CACNG2: variants seen among roughly 807,000 people sequenced by gnomAD.
CACNG2 encodes voltage-dependent calcium channel gamma-2 subunit.
CACNG2 carries 3 observed loss-of-function variants against 25.9 expected under a neutral mutation model. That is an observed-to-expected ratio of 0.12 (90% CI 0.05 to 0.30). The LOEUF (loss-of-function observed/expected upper bound fraction) is 0.30. Ranked by LOEUF, CACNG2 falls within the 10% of genes least tolerant of loss-of-function variation. CACNG2 has a pLI of 1.00. For synonymous variants in CACNG2, 167 were observed against 173.3 expected (o/e 0.96, Z 0.29); for missense variants, 341 against 432.5 (o/e 0.79, Z 1.88).
intron 1 of CACNG2, among the ~76,000 whole-genome samples, chr22:36,594,723 G>A (rs1935647798): frequency 6.6e-6 from 1 of 151,712 alleles, no homozygotes; most frequent in South Asian, 2.1e-4. Flanking sequence ...GTGCATGTGT[G>A]TGTGTCTGTG....
At chr22:36,585,228 GT>G (rs1318619450) in intron 2 of CACNG2, 4 of 152,218 alleles carry the variant, frequency 2.6e-5, no homozygotes, top group Admixed American at 2.6e-4. Context: ...GATCCCGAGT[GT>G]GAACCAGTGA....
intron 1 of CACNG2, among the ~76,000 whole-genome samples, chr22:36,686,146 C>A (rs1937193926): frequency 6.6e-6 from 1 of 152,166 alleles, no homozygotes; most frequent in Non-Finnish European, 1.5e-5. Context: ...GGCTTTGAGG[C>A]TGGCAGGAGA....
chr22:36,662,666 C>T (rs1936816518), intron 1 of CACNG2, among the ~76,000 whole-genome samples: 1 of 152,184 alleles, frequency 6.6e-6, no homozygotes, highest in Non-Finnish European at 1.5e-5. Context: ...CTCCTTTAGC[C>T]TGGGCTTACC....
rs1327777616 is a variant in CACNG2, at chr22:36,660,232, T to C, written c.211+42134A>G. On this transcript the variant is annotated intron_variant, in intron 1 of 3. Transcript: ENST00000300105. ...GTGCTCATGACAGGACTTGGCACCA[T>C]GTAGGGGCTGCTCAGCAAATATTTG... Among the ~76,000 whole-genome samples, 4 of 152,256 alleles carry C rather than the reference T, an allele frequency of 2.6e-5. No individual in the cohort carries two copies. The East Asian group carries it at 7.7e-4, about 29-fold the overall frequency.
chr22:36,603,971 C>T (rs543581762), intron 1 of CACNG2, among the ~76,000 whole-genome samples: 1 of 152,144 alleles, frequency 6.6e-6, no homozygotes, highest in Non-Finnish European at 1.5e-5. Flanking sequence ...GCTATAGCTG[C>T]CAGAGACAGT....
At chr22:36,588,582 G>C (rs1457610743) in intron 1 of CACNG2, among the ~76,000 whole-genome samples, 1 of 152,252 alleles carries the variant, frequency 6.6e-6, no homozygotes, top group Non-Finnish European at 1.5e-5. Flanking sequence ...AAGATTGGGT[G>C]TATGCTGGGG....
At position 36,561,311 on chromosome 22, in the gene CACNG2, A is replaced by G. The variant is rs997377235; in HGVS notation, c.*3040T>C. On this transcript the variant is annotated 3_prime_UTR_variant, in exon 4 of 4. Transcript: ENST00000300105. The stretch of plus-strand genomic sequence containing the variant: ...GACCCTCCCTTCTCCCTTCGCTCTC[A>G]TCCTTGATCCCTTTAGGTCTGGAAT... 2 of 152,192 alleles carry G rather than the reference A, an allele frequency of 1.3e-5. No individual in the cohort carries two copies. Among genetic ancestry groups the G allele is most frequent in the Non-Finnish European group, 2.9e-5 (2 of 68,074 alleles). The allele number at this position is 152,192 out of a possible 1,614,324, so 9.4% of individuals were successfully genotyped here.
intron 1 of CACNG2, among the ~76,000 whole-genome samples, chr22:36,622,214 T>C (rs1936116104): frequency 6.6e-6 from 1 of 152,226 alleles, no homozygotes; most frequent in South Asian, 2.1e-4. Flanking sequence ...CCCCCAACTA[T>C]GTGCTAGGCA....
chr22:36,602,270 C>G (rs1182488724), intron 1 of CACNG2, among the ~76,000 whole-genome samples: 4 of 152,090 alleles, frequency 2.6e-5, no homozygotes, highest in African/African-American at 9.7e-5. Flanking sequence ...GATATTAACC[C>G]TTATCTAATA....
intron 1 of CACNG2, among the ~76,000 whole-genome samples, chr22:36,632,668 C>T (rs1026217183): frequency 6.6e-6 from 1 of 151,988 alleles, no homozygotes; most frequent in African/African-American, 2.4e-5. Flanking sequence ...TTGCTCACTC[C>T]CTCCTTGAAC....
intron 1 of CACNG2, among the ~76,000 whole-genome samples, chr22:36,622,092 A>G (rs1394270063): frequency 6.6e-6 from 1 of 152,248 alleles, no homozygotes; most frequent in Non-Finnish European, 1.5e-5. Context: ...CTGTTTACAG[A>G]TGAGGAAACT....
At chr22:36,598,525 T>C (rs1294861252) in intron 1 of CACNG2, among the ~76,000 whole-genome samples, 1 of 146,718 alleles carries the variant, frequency 6.8e-6, no homozygotes, top group Non-Finnish European at 1.5e-5. Flanking sequence ...GGCTGAGGCC[T>C]GAGAATCACT....
At chr22:36,646,530 C>T (rs1184897660) in intron 1 of CACNG2, among the ~76,000 whole-genome samples, 1 of 152,134 alleles carries the variant, frequency 6.6e-6, no homozygotes, top group East Asian at 1.9e-4. Flanking sequence ...CCCATCAAAT[C>T]CAAGAAGCCT....
At chr22:36,682,504 C>T (rs2284009) in intron 1 of CACNG2, among the ~76,000 whole-genome samples, 17,779 of 131,758 alleles carry the variant, frequency 0.13, 1,759 homozygotes, top group East Asian at 0.51. Context: ...CACCCCACTC[C>T]CGACTTCTTC....
chr22:36,649,627 C>T lies in CACNG2; in HGVS notation c.211+52739G>A, dbSNP rs138058134. On this transcript the variant is annotated intron_variant, in intron 1 of 3. Transcript: ENST00000300105. ...AACTGTGATATGGTTTGGCTGTGTC[C>T]CCAACTGAATCTCATCTTGAATTGT... 6.1e-3 allele frequency among the ~76,000 whole-genome samples: 921 copies of T among 152,222 alleles called. 4 individuals carry two copies. The highest frequency in any genetic ancestry group is 0.01 in the Middle Eastern group (3 of 294).
At chr22:36,600,373 C>T (rs1179183851) in intron 1 of CACNG2, among the ~76,000 whole-genome samples, 1 of 151,796 alleles carries the variant, frequency 6.6e-6, no homozygotes, top group Non-Finnish European at 1.5e-5. Context: ...CCTCAGTCTC[C>T]TGAGTAGCTG....
intron 1 of CACNG2, among the ~76,000 whole-genome samples, chr22:36,657,488 T>A (rs927887926): frequency 4.6e-5 from 7 of 152,006 alleles, no homozygotes; most frequent in Admixed American, 1.3e-4. Context: ...GAAGAAGAGG[T>A]GTGCACGTTG....
In CACNG2 at chr22:36,638,021, C is replaced by CAA. The variant is rs539878708; in HGVS notation, c.212-50475_212-50474dup. Among the ~76,000 whole-genome samples, 401 of 134,848 alleles carry CAA rather than the reference C, an allele frequency of 3.0e-3. 3 individuals are homozygous for CAA. Among genetic ancestry groups the CAA allele is most frequent in the African/African-American group, 0.01 (379 of 36,698 alleles). The allele number at this position is 134,848 out of a possible 152,430, so 88.5% of individuals were successfully genotyped here. ...TGGGCAACAGAGTGAGAATCCATCT[C>CAA]AAAAAAAAAAAAAGAATCTTGTCTG... is the stretch of plus-strand genomic sequence containing the variant. On this transcript the variant is annotated intron_variant, in intron 1 of 3. Coordinates refer to ENST00000300105, the MANE Select transcript of CACNG2 (RefSeq NM_006078.5).
chr22:36,628,120 GTCTTC>G (rs1404635584), intron 1 of CACNG2, among the ~76,000 whole-genome samples: 3 of 152,070 alleles, frequency 2.0e-5, no homozygotes, highest in Non-Finnish European at 4.4e-5. Context: ...ATTATTTTAA[GTCTTC>G]TATATACTTT....
Sources: gnomAD v4.1 joint callset for allele counts (sites outside exome capture counted in the v4.1 genomes callset) on GRCh38, gnomAD v4.1.1 for gene constraint, MANE v1.5 for transcripts, NCBI Gene and HGNC (gene_info 2026-07-23, HGNC 2026-07-21) for gene names.